RPL41: variants seen among roughly 807,000 people sequenced by gnomAD.
RPL41 encodes the protein small ribosomal subunit protein eS32.
A neutral mutation model predicts 7.3 loss-of-function variants in RPL41; 3 were observed. The ratio of observed to expected loss-of-function variants is 0.41; its 90% CI spans 0.19 to 1.06. RPL41 has a LOEUF of 1.06. Ranked by LOEUF, RPL41 falls within the 50% of genes least tolerant of loss-of-function variation. The probability of loss-of-function intolerance (pLI) is 0.32; values close to 1 mark genes in which losing one functional copy is unlikely to be tolerated. For missense variants in RPL41, 13 were observed against 30.4 expected (o/e 0.43, Z 1.35); for synonymous variants, 9 against 7.4 (o/e 1.21, Z -0.34).
rs1592238334 is a variant in RPL41 at position 56,116,849 on chromosome 12, A to G, written c.12+50A>G. On this transcript the variant is annotated intron_variant, in intron 1 of 2. Transcript: ENST00000546591. ...TGGGAGGTAGGAGTTGGCGAGTAGT[A>G]GCGAGGAGACGAAGGCAAGTCCGCC... 5.0e-6 allele frequency: 8 copies of G among 1,612,064 alleles called. No homozygotes were observed. In the East Asian group the frequency reaches 1.6e-4, roughly 31 times the overall value.
At chr12:56,117,357 G>T in intron 2 of RPL41, 125 bp from the exon 3 acceptor site, 3 of 1,395,664 alleles carry the variant, frequency 2.1e-6, no homozygotes, top group East Asian at 2.5e-5. Context: ...ACAGAACAGA[G>T]AACGATAGAA....
At chr12:56,116,872 G>A in intron 1 of RPL41, 73 bp downstream of exon 1, 1 of 1,566,070 alleles carries the variant, frequency 6.4e-7, no homozygotes, top group Non-Finnish European at 8.8e-7. Context: ...AGGCAAGTCC[G>A]CCATACCTCC....
chr12:56,117,819 G>A lies in RPL41; in HGVS notation c.*295G>A. On this transcript the variant is annotated 3_prime_UTR_variant, in exon 3 of 3. Coordinates refer to ENST00000546591, the MANE Select transcript of RPL41 (RefSeq NM_001035267.2). ...AATCACCTCTTCCGCTGTTTTAGCTGAAGAATTAAATCATCTTGTCTATTA... is the reference window on the plus strand; with the variant it reads ...AATCACCTCTTCCGCTGTTTTAGCTAAAGAATTAAATCATCTTGTCTATTA... 2.3e-6 allele frequency: 1 copy of A among 432,190 alleles called. No individual in the cohort carries two copies. Among genetic ancestry groups the A allele is most frequent in the South Asian group, 2.1e-5 (1 of 48,238 alleles). The allele number at this position is 432,190 out of a possible 1,614,324, so 26.8% of individuals were successfully genotyped here.
chr12:56,117,392 C>T (rs149978237), intron 2 of RPL41, 90 bp from the exon 3 acceptor site: 50 of 1,456,092 alleles, frequency 3.4e-5, no homozygotes, highest in Non-Finnish European at 4.5e-5. Flanking sequence ...CATTTTACCA[C>T]CTCATTCTTT....
At chr12:56,117,232 C>T (rs771837787) in intron 2 of RPL41, 21 bp downstream of exon 2, 1 of 1,597,506 alleles carries the variant, frequency 6.3e-7, no homozygotes, top group Non-Finnish European at 8.5e-7. Context: ...ACTTTGCCAG[C>T]CCAGGAGGAG....
At chr12:56,117,297 A>T in intron 2 of RPL41, 86 bp downstream of exon 2, 1 of 1,526,328 alleles carries the variant, frequency 6.6e-7, no homozygotes, top group Non-Finnish European at 8.9e-7. Context: ...ATCTTAAAAG[A>T]TCTTTAGGAG....
At position 56,116,893 on chromosome 12, in the gene RPL41, G is replaced by A. The variant is rs1869621285; in HGVS notation, c.12+94G>A. 26 of 1,495,990 alleles carry A rather than the reference G, an allele frequency of 1.7e-5. 1 individual carries two copies. The South Asian group carries it at 2.8e-4, about 16-fold the overall frequency. 92.7% of individuals were successfully genotyped at this position (1,495,990 alleles called of 1,614,324 possible). On this transcript the variant is annotated intron_variant, in intron 1 of 2. Coordinates refer to ENST00000546591, the MANE Select transcript of RPL41 (RefSeq NM_001035267.2). Reference sequence around the variant, plus strand: ...GTCCGCCATACCTCCTGAACTACTGGGTTTCAAGGGTGCCCAAGAGCTGGT... The same window carrying A: ...GTCCGCCATACCTCCTGAACTACTGAGTTTCAAGGGTGCCCAAGAGCTGGT...
Position 56,116,871 on chromosome 12 carries a change from C to T in RPL41, c.12+72C>T, listed in dbSNP as rs947004665. Reference sequence around the variant, plus strand: ...AGTAGCGAGGAGACGAAGGCAAGTCCGCCATACCTCCTGAACTACTGGGTT... The same window carrying T: ...AGTAGCGAGGAGACGAAGGCAAGTCTGCCATACCTCCTGAACTACTGGGTT... On this transcript the variant is annotated intron_variant, in intron 1 of 2. Transcript: ENST00000546591. The T allele has an allele frequency of 8.9e-6, 14 of 1,566,630 alleles. No homozygotes were observed. The African/African-American group carries it at 1.2e-4, about 14-fold the overall frequency.
In RPL41 at chr12:56,117,840, T is replaced by A; in HGVS notation, c.*316T>A. ...AGCTGAAGAATTAAATCATCTTGTC[T>A]ATTATGTTTTTTATGGTTCCATCGG... On this transcript the variant is annotated 3_prime_UTR_variant, in exon 3 of 3. Coordinates refer to ENST00000546591, the MANE Select transcript of RPL41 (RefSeq NM_001035267.2). 2.5e-6 allele frequency: 1 copy of A among 393,860 alleles called. No individual in the cohort carries two copies. The highest frequency in any genetic ancestry group is 2.1e-5 in the African/African-American group (1 of 48,214). 24.4% of individuals were successfully genotyped at this position (393,860 alleles called of 1,614,324 possible).
In RPL41 at chr12:56,117,462, T is replaced by C. The variant is rs1417853599; in HGVS notation, c.36-20T>C. 18 of 1,553,054 alleles carry C rather than the reference T, an allele frequency of 1.2e-5. No individual in the cohort carries two copies. The highest frequency in any genetic ancestry group is 1.5e-5 in the Non-Finnish European group (17 of 1,147,630). On this transcript the variant is annotated intron_variant, in intron 2 of 2. Coordinates refer to ENST00000546591, the MANE Select transcript of RPL41 (RefSeq NM_001035267.2). ...CAACTCTGGTTTGAGGTGTATTCCA[T>C]TCCTGTGTCTGCTTTTCAGGCTGAA... is the stretch of plus-strand genomic sequence containing the variant.
chr12:56,117,239 G>A (rs1012405106), intron 2 of RPL41, 28 bp downstream of exon 2: 3 of 1,593,208 alleles, frequency 1.9e-6, no homozygotes, highest in African/African-American at 2.7e-5. Context: ...CAGCCCAGGA[G>A]GAGGGAAGTT....
rs1024422715 is a variant in RPL41, at chr12:56,117,951, A to T, written c.*427A>T. The T allele has an allele frequency of 3.5e-6, 1 of 286,370 alleles. No individual in the cohort carries two copies. Among genetic ancestry groups the T allele is most frequent in the Non-Finnish European group, 6.9e-6 (1 of 144,336 alleles). 17.7% of individuals were successfully genotyped at this position (286,370 alleles called of 1,614,324 possible). ...AGCTATAAAGGCAACAGCCCGGGTT[A>T]CGTGGTGTGGTTTGCATCTCGCTGG... On this transcript the variant is annotated 3_prime_UTR_variant, in exon 3 of 3. Transcript: ENST00000546591.
rs754547200 is a variant in RPL41, at chr12:56,116,761, C to T, written c.-27C>T. 18 of 1,613,838 alleles carry T rather than the reference C, an allele frequency of 1.1e-5. No individual in the cohort carries two copies. Among genetic ancestry groups the T allele is most frequent in the Non-Finnish European group, 1.4e-5 (17 of 1,179,812 alleles). ...ACAGCAAACTAACTGTAGCCTTTCTCTCTTTCCCTGTAGAAACCTCTGCGC... is the reference window on the plus strand; with the variant it reads ...ACAGCAAACTAACTGTAGCCTTTCTTTCTTTCCCTGTAGAAACCTCTGCGC... On this transcript the variant is annotated 5_prime_UTR_variant, in exon 1 of 3. Transcript: ENST00000546591.
At chr12:56,117,439 A>C (rs1197045152) in intron 2 of RPL41, 43 bp from the exon 3 acceptor site, 10 of 1,549,752 alleles carry the variant, frequency 6.5e-6, no homozygotes, top group South Asian at 2.4e-5. Context: ...GGGAAAGGCA[A>C]CTCTGGTTTG....
chr12:56,116,839 G>A, intron 1 of RPL41, 40 bp downstream of exon 1: 2 of 1,613,656 alleles, frequency 1.2e-6, no homozygotes, highest in Non-Finnish European at 1.7e-6. Flanking sequence ...GGTAGGAGTT[G>A]GCGAGTAGTA....
chr12:56,116,867 A>G (rs1214618626), intron 1 of RPL41, 68 bp downstream of exon 1: 1 of 1,578,222 alleles, frequency 6.3e-7, no homozygotes, highest in Non-Finnish European at 8.7e-7. Flanking sequence ...GACGAAGGCA[A>G]GTCCGCCATA....
intron 2 of RPL41, 114 bp from the exon 3 acceptor site, chr12:56,117,368 C>A: frequency 7.1e-7 from 1 of 1,405,358 alleles, no homozygotes; most frequent in Non-Finnish European, 9.9e-7. Flanking sequence ...AACGATAGAA[C>A]CGTAGTGCTT....
rs3809132 is a variant in RPL41, at chr12:56,116,668, T to G, written c.-120T>G. ...TAGCGCCATTTTTTTGGGTGAGTGT[T>G]TTTTGGTTCCTGCGTTGGGATTCCG... On this transcript the variant is annotated 5_prime_UTR_variant, in exon 1 of 3. Coordinates refer to ENST00000546591, the MANE Select transcript of RPL41 (RefSeq NM_001035267.2). 2.1e-4 allele frequency: 271 copies of G among 1,285,258 alleles called. 3 individuals are homozygous for G. The Admixed American group carries it at 2.9e-3, about 14-fold the overall frequency. 79.6% of individuals were successfully genotyped at this position (1,285,258 alleles called of 1,614,324 possible). A position where few individuals can be genotyped will look rare whatever the true frequency, so the allele number is the denominator to read the frequency against.
chr12:56,117,437 C>T, intron 2 of RPL41, 45 bp from the exon 3 acceptor site: 2 of 1,547,718 alleles, frequency 1.3e-6, no homozygotes, highest in Non-Finnish European at 1.7e-6. Context: ...GAGGGAAAGG[C>T]AACTCTGGTT....
Sources: gnomAD v4.1 joint callset for allele counts on GRCh38, gnomAD v4.1.1 for gene constraint, MANE v1.5 for transcripts, NCBI Gene and HGNC (gene_info 2026-07-23, HGNC 2026-07-21) for gene names.